B3GALT1: variants seen among roughly 807,000 people sequenced by gnomAD.
B3GALT1 encodes the protein beta-1,3-galactosyltransferase 1, also known as UDP-Gal:betaGlcNAc beta 1,3-galactosyltransferase, polypeptide 1.
B3GALT1 carries 10 observed loss-of-function variants against 23.2 expected under a neutral mutation model. That is an observed-to-expected ratio of 0.43 (90% CI 0.27 to 0.73). The LOEUF (loss-of-function observed/expected upper bound fraction) is 0.73, where lower values mean the gene tolerates loss of function less well. B3GALT1 is among the 30% of genes least tolerant of loss of function. The probability of loss-of-function intolerance (pLI) is 0.21; values close to 1 mark genes in which losing one functional copy is unlikely to be tolerated. For missense variants in B3GALT1, 299 were observed against 405.4 expected (o/e 0.74, Z 2.25); for synonymous variants, 156 against 141.5 (o/e 1.10, Z -0.73).
chr2:167,360,767 A>G (rs1417205071), intron 1 of B3GALT1, among the ~76,000 whole-genome samples: 1 of 152,178 alleles, frequency 6.6e-6, no homozygotes, highest in Non-Finnish European at 1.5e-5. Flanking sequence ...AATTATTATT[A>G]ACTATAATTT....
At chr2:167,708,142 C>G (rs551223536) in intron 3 of B3GALT1, among the ~76,000 whole-genome samples, 2 of 152,330 alleles carry the variant, frequency 1.3e-5, no homozygotes, top group East Asian at 3.9e-4. Context: ...CACTTAGATA[C>G]AATTTCTCTC....
intron 3 of B3GALT1, among the ~76,000 whole-genome samples, chr2:167,675,145 A>G (rs1686401594): frequency 6.6e-6 from 1 of 152,164 alleles, no homozygotes; most frequent in Admixed American, 6.5e-5. Flanking sequence ...GTGCTTTATC[A>G]TCCTCAATTT....
intron 3 of B3GALT1, among the ~76,000 whole-genome samples, chr2:167,789,923 C>A (rs935248907): frequency 1.3e-5 from 2 of 152,234 alleles, no homozygotes; most frequent in East Asian, 3.9e-4. Flanking sequence ...TAGGCCCACT[C>A]CTCTTGTCCT....
chr2:167,850,765 A>C (rs1159706084), intron 4 of B3GALT1, among the ~76,000 whole-genome samples: 1 of 152,072 alleles, frequency 6.6e-6, no homozygotes. Flanking sequence ...GAGCTAAGCT[A>C]TAAGGATGTA....
intron 1 of B3GALT1, among the ~76,000 whole-genome samples, chr2:167,423,551 C>G (rs1353616529): frequency 6.6e-6 from 1 of 152,122 alleles, no homozygotes; most frequent in Non-Finnish European, 1.5e-5. Flanking sequence ...AAAATGCACA[C>G]AATACATTGT....
intron 1 of B3GALT1, among the ~76,000 whole-genome samples, chr2:167,478,568 G>GTT (rs5836142): frequency 4.6e-4 from 69 of 150,916 alleles, no homozygotes; most frequent in East Asian, 2.9e-3. Context: ...GGTTATTATA[G>GTT]TTTTTTTTTA....
intron 1 of B3GALT1, among the ~76,000 whole-genome samples, chr2:167,298,947 TA>T (rs1278222017): frequency 3.3e-5 from 5 of 151,986 alleles, no homozygotes; most frequent in African/African-American, 9.7e-5. Flanking sequence ...TTTAAACAAT[TA>T]AAAACCTCTT....
chr2:167,766,292 A>G (rs1292995923), intron 3 of B3GALT1, among the ~76,000 whole-genome samples: 2 of 152,202 alleles, frequency 1.3e-5, no homozygotes, highest in Non-Finnish European at 2.9e-5. Flanking sequence ...CATTACTTCT[A>G]CTTGTCACTA....
chr2:167,652,899 A>G (rs951315394), intron 3 of B3GALT1, among the ~76,000 whole-genome samples: 1 of 152,188 alleles, frequency 6.6e-6, no homozygotes, highest in Non-Finnish European at 1.5e-5. Flanking sequence ...AAGTCATACC[A>G]TAAGAAAAAC....
intron 1 of B3GALT1, among the ~76,000 whole-genome samples, chr2:167,386,840 T>G (rs1438958082): frequency 2.0e-5 from 3 of 152,228 alleles, no homozygotes; most frequent in Non-Finnish European, 4.4e-5. Flanking sequence ...TTTTAGAAAC[T>G]TAAACCATTT....
At chr2:167,504,007 G>T (rs538328444) in intron 2 of B3GALT1, among the ~76,000 whole-genome samples, 1 of 152,222 alleles carries the variant, frequency 6.6e-6, no homozygotes, top group East Asian at 1.9e-4. Context: ...TGGTAAAGGA[G>T]ACAGAAACTT....
At chr2:167,390,268 G>A (rs1017004184) in intron 1 of B3GALT1, among the ~76,000 whole-genome samples, 1 of 152,134 alleles carries the variant, frequency 6.6e-6, no homozygotes, top group African/African-American at 2.4e-5. Flanking sequence ...AGTTGCTCCT[G>A]GTGTGGATGA....
At chr2:167,825,517 A>G (rs1689202800) in intron 4 of B3GALT1, among the ~76,000 whole-genome samples, 1 of 149,546 alleles carries the variant, frequency 6.7e-6, no homozygotes, top group South Asian at 2.1e-4. Flanking sequence ...ATATATACAT[A>G]TATAAAAAGG....
intron 2 of B3GALT1, among the ~76,000 whole-genome samples, chr2:167,522,337 T>G (rs1043882664): frequency 6.6e-6 from 1 of 152,148 alleles, no homozygotes; most frequent in African/African-American, 2.4e-5. Context: ...GTTTGCCTCT[T>G]CTTCTCCCAG....
chr2:167,346,885 C>A (rs1323735061), intron 1 of B3GALT1, among the ~76,000 whole-genome samples: 1 of 152,032 alleles, frequency 6.6e-6, no homozygotes, highest in Non-Finnish European at 1.5e-5. Context: ...ACACACTGCT[C>A]AAAACTATCG....
At chr2:167,489,611 C>T (rs564556590) in intron 1 of B3GALT1, among the ~76,000 whole-genome samples, 1 of 152,264 alleles carries the variant, frequency 6.6e-6, no homozygotes, top group South Asian at 2.1e-4. Context: ...GCTGGCAGAA[C>T]ACACTTTTTC....
chr2:167,733,893 A>G (rs1292560480), intron 3 of B3GALT1, among the ~76,000 whole-genome samples: 1 of 152,194 alleles, frequency 6.6e-6, no homozygotes, highest in Non-Finnish European at 1.5e-5. Context: ...TCCTCCTCCA[A>G]TAACATGGTG....
chr2:167,647,361 AAGCAGCAGCTTAC>A (rs67942112), intron 3 of B3GALT1, among the ~76,000 whole-genome samples: 29,232 of 151,424 alleles, frequency 0.19, 3,279 homozygotes, highest in South Asian at 0.29. Flanking sequence ...ACTTCCCTCA[AAGCAGCAGCTTAC>A]ATGCTGTGTG....
intron 3 of B3GALT1, among the ~76,000 whole-genome samples, chr2:167,704,183 C>A (rs370128409): frequency 0.026 from 2,977 of 112,810 alleles, no homozygotes; most frequent in African/African-American, 0.033. Context: ...TCAGTCTCAA[C>A]AAAAAAAAAA....
Sources: gnomAD v4.1 joint callset for allele counts (sites outside exome capture counted in the v4.1 genomes callset) on GRCh38, gnomAD v4.1.1 for gene constraint, MANE v1.5 for transcripts, NCBI Gene and HGNC (gene_info 2026-07-23, HGNC 2026-07-21) for gene names.